Variants in C12orf54 observed in about 807,000 individuals in gnomAD.
C12orf54 encodes chromosome 12 open reading frame 54.
Under a neutral mutation model 26.4 loss-of-function variants are expected in C12orf54, and 24 were observed. That is an observed-to-expected ratio of 0.91 (90% CI 0.66 to 1.28). The LOEUF is 1.28. Ranked by LOEUF, C12orf54 falls within the 50% of genes most tolerant of loss-of-function variation. C12orf54 has a pLI of 0.00. For missense variants in C12orf54, 154 were observed against 150.9 expected (o/e 1.02, Z -0.11); for synonymous variants, 54 against 47.0 (o/e 1.15, Z -0.61).
At chr12:48,441,338 C>G in the C12orf54 span, among the ~76,000 whole-genome samples, 1 of 152,248 alleles carries the variant, frequency 6.6e-6, no homozygotes, top group South Asian at 2.1e-4. Flanking sequence ...ATTCCTAAGA[C>G]AGTAATCCCA....
chr12:48,489,425 A>ATC (rs56968979), intron 5 of C12orf54: 5,573 of 246,830 alleles, frequency 0.023, 96 homozygotes, highest in Non-Finnish European at 0.027. Context: ...GTCTCTCTCA[A>ATC]TCTCTCTCTC....
At chr12:48,427,151 G>C in the C12orf54 span, among the ~76,000 whole-genome samples, 50,417 of 151,976 alleles carry the variant, frequency 0.33, 10,540 homozygotes, top group Middle Eastern at 0.5. Context: ...TCCTTGTCTT[G>C]TGCCAGCTTT....
the C12orf54 span, among the ~76,000 whole-genome samples, chr12:48,474,675 T>C: frequency 1.3e-5 from 2 of 152,136 alleles, no homozygotes; most frequent in African/African-American, 2.4e-5. Flanking sequence ...AACTGCAAGG[T>C]GGCAGCAAGG....
chr12:48,469,260 A>G, the C12orf54 span, among the ~76,000 whole-genome samples: 28 of 152,282 alleles, frequency 1.8e-4, no homozygotes, highest in East Asian at 5.2e-3. Context: ...TTCATCCTTT[A>G]TCTACAACTG....
At chr12:48,449,619 T>C in the C12orf54 span, among the ~76,000 whole-genome samples, 1 of 152,224 alleles carries the variant, frequency 6.6e-6, no homozygotes, top group South Asian at 2.1e-4. Flanking sequence ...TTAAGAAAGT[T>C]CCTTACTATT....
At chr12:48,443,980 C>A in the C12orf54 span, among the ~76,000 whole-genome samples, 1 of 152,186 alleles carries the variant, frequency 6.6e-6, no homozygotes, top group South Asian at 2.1e-4. Flanking sequence ...GCATTTCTTA[C>A]CCAGTTTAAC....
chr12:48,494,862 G>A lies in C12orf54; in HGVS notation c.307G>A (p.Glu103Lys), dbSNP rs1937875968. The change falls in exon 8 of 9, where the codon GAG becomes AAG. Residue 103 changes from glutamate (E) to lysine (K), a missense_variant. Coordinates refer to ENST00000548364, the MANE Select transcript of C12orf54 (RefSeq NM_152319.4). Reference sequence around the variant, plus strand: ...GAGAAGATTGCAGTTCAGCTCTGGAGAGCAGCCATCAGGAGGCCGTATCCA... The same window carrying A: ...GAGAAGATTGCAGTTCAGCTCTGGAAAGCAGCCATCAGGAGGCCGTATCCA... ...KLRRLQFSSG[E>K]QPSGGRIHNL... The A allele has an allele frequency of 1.2e-6, 2 of 1,613,372 alleles. No individual in the cohort carries two copies. The highest frequency in any genetic ancestry group is 1.3e-5 in the African/African-American group (1 of 74,900).
intron 7 of C12orf54, among the ~76,000 whole-genome samples, chr12:48,493,876 G>A (rs1468032550): frequency 6.6e-6 from 1 of 151,380 alleles, no homozygotes; most frequent in East Asian, 1.9e-4. Flanking sequence ...AGTCAAGAAA[G>A]ACAGCAGCGC....
intron 4 of C12orf54, chr12:48,488,006 G>C: frequency 1.1e-6 from 1 of 870,912 alleles, no homozygotes; most frequent in Non-Finnish European, 2.0e-6. Context: ...GGAGAGTCAT[G>C]GTGGCCAAGA....
At chr12:48,424,018 A>G in the C12orf54 span, among the ~76,000 whole-genome samples, 533 of 152,210 alleles carry the variant, frequency 3.5e-3, 3 homozygotes, top group Non-Finnish European at 4.5e-3. Flanking sequence ...GTTCTCATCT[A>G]TTCTTAGTTT....
chr12:48,473,589 G>A, the C12orf54 span: 3 of 284,388 alleles, frequency 1.1e-5, no homozygotes, highest in African/African-American at 2.2e-5. Flanking sequence ...GGGAGGAGGG[G>A]GTGGAATAAA....
At chr12:48,440,543 A>G in the C12orf54 span, among the ~76,000 whole-genome samples, 125,189 of 152,150 alleles carry the variant, frequency 0.82, 51,793 homozygotes, top group East Asian at 0.88. Context: ...CTCTGCCATT[A>G]GCTCTCTCAT....
the C12orf54 span, among the ~76,000 whole-genome samples, chr12:48,469,410 G>A: frequency 9.2e-5 from 14 of 152,274 alleles, no homozygotes; most frequent in African/African-American, 1.9e-4. Flanking sequence ...AATATGACTC[G>A]GTTCTTCCCG....
chr12:48,475,953 C>T, the C12orf54 span, among the ~76,000 whole-genome samples: 1 of 151,586 alleles, frequency 6.6e-6, no homozygotes, highest in Non-Finnish European at 1.5e-5. Context: ...GTCAGATTCA[C>T]CAAAGTTGAA....
intron 1 of C12orf54, among the ~76,000 whole-genome samples, chr12:48,482,805 G>C (rs1954211917): frequency 6.6e-6 from 1 of 151,964 alleles, no homozygotes; most frequent in Non-Finnish European, 1.5e-5. Context: ...GACTGAGGTG[G>C]GAGGGGGTGG....
the C12orf54 span, among the ~76,000 whole-genome samples, chr12:48,458,295 G>T: frequency 6.6e-6 from 1 of 152,166 alleles, no homozygotes. Context: ...TTTGTTGATT[G>T]GTACAGGAGA....
At chr12:48,488,869 G>A in intron 4 of C12orf54, 55 bp from the exon 5 acceptor site, 5 of 1,437,692 alleles carry the variant, frequency 3.5e-6, no homozygotes, top group Non-Finnish European at 9.8e-7. Flanking sequence ...AAATCCCTCT[G>A]TAATAAAGTG....
At chr12:48,452,239 A>G in the C12orf54 span, among the ~76,000 whole-genome samples, 3 of 149,632 alleles carry the variant, frequency 2.0e-5, no homozygotes, top group Non-Finnish European at 4.5e-5. Flanking sequence ...TGGGGAAAGG[A>G]TTTCTTATTT....
chr12:48,483,454 T>C, intron 2 of C12orf54, 93 bp downstream of exon 2: 1 of 1,139,424 alleles, frequency 8.8e-7, no homozygotes, highest in South Asian at 1.5e-5. Context: ...GGCTCTTCAT[T>C]TGGCTTCACT....
Sources: allele counts gnomAD v4.1 joint callset (sites outside exome capture counted in the v4.1 genomes callset), GRCh38; gene constraint gnomAD v4.1.1; transcripts MANE v1.5; gene names NCBI Gene and HGNC (gene_info 2026-07-23, HGNC 2026-07-21).